LARP1B: variants seen among roughly 807,000 people sequenced by gnomAD.
LARP1B encodes the protein la-related protein 1B.
In LARP1B, 76 loss-of-function variants were observed where a neutral mutation model predicts 114.2. The observed-to-expected ratio is 0.67, with a 90% confidence interval of 0.55 to 0.81. LARP1B has a LOEUF of 0.81. Ranked by LOEUF, LARP1B falls within the 30% of genes least tolerant of loss-of-function variation. LARP1B has a pLI of 0.00. For missense variants in LARP1B, 1,014 were observed against 1,075.8 expected (o/e 0.94, Z 0.80); for synonymous variants, 345 against 348.0 (o/e 0.99, Z 0.10).
At chr4:128,169,437 T>G (rs1217566651) in intron 12 of LARP1B, among the ~76,000 whole-genome samples, 1 of 152,068 alleles carries the variant, frequency 6.6e-6, no homozygotes, top group African/African-American at 2.4e-5. Flanking sequence ...TCTAATTTCT[T>G]TTTAATTTTT....
rs1164753942 is a variant in LARP1B at position 128,209,941 on chromosome 4, C to A, written c.2633C>A (p.Ser878Tyr). Reference sequence around the variant, plus strand: ...AATCGTCATAGACTTCCACCTAATTCCTCTACAAAGCCACCAAATGCTGCT... The same window carrying A: ...AATCGTCATAGACTTCCACCTAATTACTCTACAAAGCCACCAAATGCTGCT... ...ESNRHRLPPNSSTKPPNAAKP... is the reference protein window; with the variant it reads ...ESNRHRLPPNYSTKPPNAAKP... The change falls in exon 20 of 20, where the codon TCC becomes TAC. Residue 878 changes from serine to tyrosine, a missense_variant. Ser to Tyr is a moderately radical substitution (Grantham distance 144). Coordinates refer to ENST00000326639, the MANE Select transcript of LARP1B (RefSeq NM_018078.4). 1.3e-5 allele frequency: 21 copies of A among 1,613,842 alleles called. No individual in the cohort carries two copies. The highest frequency in any genetic ancestry group is 1.8e-5 in the Non-Finnish European group (21 of 1,179,790).
rs988857511 is a variant in LARP1B at position 128,072,562 on chromosome 4, A to AT, written c.-77-1885dup. Among the ~76,000 whole-genome samples the AT allele has an allele frequency of 9.1e-4, 132 of 144,272 alleles. No individual in the cohort carries two copies. The East Asian group carries it at 0.014, about 15-fold the overall frequency. The allele number at this position is 144,272 out of a possible 152,430, so 94.6% of individuals were successfully genotyped here. A position where few individuals can be genotyped will look rare whatever the true frequency, so the allele number is the denominator to read the frequency against. On this transcript the variant is annotated intron_variant, in intron 1 of 19. Coordinates refer to ENST00000326639, the MANE Select transcript of LARP1B (RefSeq NM_018078.4). The stretch of plus-strand genomic sequence containing the variant: ...TACTTGTAATCTGTACGTATATATA[A>AT]TTTTTTTTTTTTTAATCAGAGTCTC...
rs760208322 is a variant in LARP1B, at chr4:128,079,775, G to C, written c.217+1813G>C. 4.6e-4 allele frequency among the ~76,000 whole-genome samples: 69 copies of C among 151,590 alleles called. 1 individual carries two copies. Among genetic ancestry groups the C allele is most frequent in the Non-Finnish European group, 4.4e-4 (30 of 67,884 alleles). On this transcript the variant is annotated intron_variant, in intron 4 of 19. Coordinates refer to ENST00000326639, the MANE Select transcript of LARP1B (RefSeq NM_018078.4). Reference sequence around the variant, plus strand: ...AGACAGGGTTTTGCCATGTTGGCCAGGCTGGTCTTGAACTCCTGGGCTCAA... The same window carrying C: ...AGACAGGGTTTTGCCATGTTGGCCACGCTGGTCTTGAACTCCTGGGCTCAA...
intron 9 of LARP1B, chr4:128,107,592 A>G: frequency 7.3e-7 from 1 of 1,375,298 alleles, no homozygotes; most frequent in Non-Finnish European, 9.4e-7. Flanking sequence ...TTTTTACTAA[A>G]TAACTATAGA....
chr4:128,123,790 A>G (rs1366932356), intron 11 of LARP1B: 2 of 613,398 alleles, frequency 3.3e-6, no homozygotes, highest in African/African-American at 2.0e-5. Flanking sequence ...TTGTAAGCCA[A>G]CTTGAGAAAC....
Position 128,091,450 on chromosome 4 carries a change from T to G in LARP1B, c.606T>G (p.Gly202=). Residue 202 remains glycine (G), a synonymous_variant, in exon 7 of 20, where the codon GGT becomes GGG. Transcript: ENST00000326639. ...NTSMMYYYDD[G]TGVQVYPVEE... is the part of the protein sequence containing the mutation. ...GTATGATGTATTACTATGATGATGG[T>G]ACAGGTGTACAGGTGTATCCTGTGG... The G allele has an allele frequency of 1.9e-6, 3 of 1,610,450 alleles. No individual in the cohort carries two copies. The highest frequency in any genetic ancestry group is 2.5e-6 in the Non-Finnish European group (3 of 1,176,962).
chr4:128,096,926 A>C (rs957416350), intron 7 of LARP1B, among the ~76,000 whole-genome samples: 35 of 146,414 alleles, frequency 2.4e-4, no homozygotes, highest in African/African-American at 8.7e-4. Flanking sequence ...GTTTTTAGAC[A>C]GTCTTGCTCT....
chr4:128,170,867 C>CTTTTTT (rs1211999090), intron 12 of LARP1B, among the ~76,000 whole-genome samples: 2 of 99,932 alleles, frequency 2.0e-5, no homozygotes, highest in Admixed American at 9.8e-5. Flanking sequence ...TTTTCTTTTT[C>CTTTTTT]TTTTCTTTTT....
intron 9 of LARP1B, among the ~76,000 whole-genome samples, chr4:128,110,542 T>A (rs1223837812): frequency 6.7e-6 from 1 of 148,800 alleles, no homozygotes; most frequent in Admixed American, 6.7e-5. Context: ...CCGGGCGTAG[T>A]GGCGGGCGCC....
At chr4:128,163,325 C>A (rs1430039097) in intron 12 of LARP1B, among the ~76,000 whole-genome samples, 1 of 152,064 alleles carries the variant, frequency 6.6e-6, no homozygotes, top group Non-Finnish European at 1.5e-5. Context: ...ACTGTTAGTT[C>A]AGCATAGAGA....
At chr4:128,073,571 C>CTTTTTTTTTTTTTTTTTTTTTTTTT (rs1491453447) in intron 1 of LARP1B, among the ~76,000 whole-genome samples, 1 of 49,138 alleles carries the variant, frequency 2.0e-5, no homozygotes, top group African/African-American at 6.6e-5. Context: ...ATATTGTTGT[C>CTTTTTTTTTTTTTTTTTTTTTTTTT]GTTTTTTTTT....
At chr4:128,141,603 T>C (rs1001523186) in intron 11 of LARP1B, among the ~76,000 whole-genome samples, 1 of 152,218 alleles carries the variant, frequency 6.6e-6, no homozygotes, top group Non-Finnish European at 1.5e-5. Flanking sequence ...CTTATAGTAT[T>C]ATCAGGTGAA....
At chr4:128,152,019 G>T (rs1037898072) in intron 11 of LARP1B, among the ~76,000 whole-genome samples, 1 of 152,038 alleles carries the variant, frequency 6.6e-6, no homozygotes, top group Non-Finnish European at 1.5e-5. Context: ...TTGGTGATTT[G>T]GTCATTTGGT....
At chr4:128,077,994 A>ATTTTTTTTTTTTTTTTT in intron 4 of LARP1B, 32 bp downstream of exon 4, 1 of 1,432,760 alleles carries the variant, frequency 7.0e-7, no homozygotes, top group South Asian at 1.5e-5. Flanking sequence ...TTTTGATTTT[A>ATTTTTTTTTTTTTTTTT]GTTTTTGAAG....
chr4:128,209,720 C>CA (rs11293327), intron 19 of LARP1B, 136 bp from the exon 20 acceptor site: 31 of 492,228 alleles, frequency 6.3e-5, no homozygotes, highest in African/African-American at 4.7e-4. Flanking sequence ...GAGACTCCAT[C>CA]AAAAAAAAAA....
intron 9 of LARP1B, chr4:128,107,861 T>C: frequency 6.8e-7 from 1 of 1,469,310 alleles, no homozygotes; most frequent in Non-Finnish European, 9.2e-7. Context: ...TGGGAAAAAA[T>C]GTGTGCTTAA....
At chr4:128,173,800 C>A (rs1744820542) in intron 12 of LARP1B, among the ~76,000 whole-genome samples, 1 of 152,234 alleles carries the variant, frequency 6.6e-6, no homozygotes, top group African/African-American at 2.4e-5. Context: ...ACTGCTCTAA[C>A]CCTTTTTAAG....
chr4:128,150,765 A>C (rs1489379353), intron 11 of LARP1B, among the ~76,000 whole-genome samples: 2 of 152,202 alleles, frequency 1.3e-5, no homozygotes, highest in Admixed American at 6.5e-5. Flanking sequence ...TAAAATAAAA[A>C]AATAAAAATC....
chr4:128,158,218 TAACACACACCTTTCGTATA>T (rs1736741415), intron 11 of LARP1B, among the ~76,000 whole-genome samples: 1 of 152,090 alleles, frequency 6.6e-6, no homozygotes, highest in Non-Finnish European at 1.5e-5. Context: ...TGGGAGATTG[TAACACACACCTTTCGTATA>T]AAGAAAGGTG....
Sources: gnomAD v4.1 joint callset for allele counts (sites outside exome capture counted in the v4.1 genomes callset) on GRCh38, gnomAD v4.1.1 for gene constraint, MANE v1.5 for transcripts, NCBI Gene and HGNC (gene_info 2026-07-23, HGNC 2026-07-21) for gene names.